PUS10: variants seen among roughly 807,000 people sequenced by gnomAD.
PUS10 encodes pseudouridine synthase 10, also known as tRNA pseudouridine synthase Pus10.
Under a neutral mutation model 75.0 loss-of-function variants are expected in PUS10, and 59 were observed. That is an observed-to-expected ratio of 0.79 (90% CI 0.64 to 0.98). PUS10 has a LOEUF of 0.98. PUS10 is among the 50% of genes least tolerant of loss of function. The probability of loss-of-function intolerance (pLI) is 0.00; values close to 1 mark genes in which losing one functional copy is unlikely to be tolerated. For synonymous variants in PUS10, 219 were observed against 211.6 expected, an observed-to-expected ratio of 1.03 and a Z score of -0.30; for missense variants, 650 against 614.4, an observed-to-expected ratio of 1.06 and a Z score of -0.61.
At chr2:60,970,487 C>G (rs1317185289) in intron 5 of PUS10, among the ~76,000 whole-genome samples, 1 of 151,816 alleles carries the variant, frequency 6.6e-6, no homozygotes, top group Non-Finnish European at 1.5e-5. Context: ...TTTCAAATGC[C>G]AAAATATTCT....
chr2:60,964,917 T>C, intron 8 of PUS10, 141 bp downstream of exon 8: 1 of 780,068 alleles, frequency 1.3e-6, no homozygotes, highest in Non-Finnish European at 2.1e-6. Flanking sequence ...AAAATTAATG[T>C]AGCAAATGGA....
chr2:60,974,836 T>C (rs1269723057), intron 4 of PUS10, among the ~76,000 whole-genome samples: 1 of 152,234 alleles, frequency 6.6e-6, no homozygotes, highest in Non-Finnish European at 1.5e-5. Context: ...GCTCCACGCC[T>C]GGCTTGCCCT....
At chr2:61,013,151 A>ATTCCCAGCTACTCCCACCT (rs1679738927) in intron 1 of PUS10, among the ~76,000 whole-genome samples, 1 of 151,466 alleles carries the variant, frequency 6.6e-6, no homozygotes, top group African/African-American at 2.4e-5. Flanking sequence ...TACTCAGAAG[A>ATTCCCAGCTACTCCCACCT]CCGAGGTGGG....
chr2:60,955,403 C>A (rs1024720494), intron 11 of PUS10, among the ~76,000 whole-genome samples: 1 of 151,974 alleles, frequency 6.6e-6, no homozygotes, highest in Non-Finnish European at 1.5e-5. Context: ...GATCATGGCC[C>A]ACTGCAGCCT....
At chr2:61,009,859 C>G (rs1392357188) in intron 2 of PUS10, 1 of 152,174 alleles carries the variant, frequency 6.6e-6, no homozygotes, top group Non-Finnish European at 1.5e-5. Context: ...AAATTTAAAT[C>G]CATTTTATTG....
intron 4 of PUS10, among the ~76,000 whole-genome samples, chr2:60,979,210 A>T (rs1359817964): frequency 6.6e-6 from 1 of 152,170 alleles, no homozygotes; most frequent in Non-Finnish European, 1.5e-5. Flanking sequence ...TGTAATAGCC[A>T]TTTGGAAACT....
chr2:60,949,251 A>G (rs1354349517), intron 15 of PUS10, among the ~76,000 whole-genome samples: 3 of 152,230 alleles, frequency 2.0e-5, no homozygotes, highest in Non-Finnish European at 4.4e-5. Flanking sequence ...AAAAAAATAC[A>G]TAAATAAAGG....
intron 4 of PUS10, among the ~76,000 whole-genome samples, chr2:60,985,763 G>A (rs1558945725): frequency 6.6e-6 from 1 of 152,050 alleles, no homozygotes; most frequent in Non-Finnish European, 1.5e-5. Flanking sequence ...GCTTCCTAAA[G>A]TTCTGGGACT....
At chr2:61,017,952 C>G (rs1573543281) in intron 1 of PUS10, 56 bp downstream of exon 1, 2 of 1,379,348 alleles carry the variant, frequency 1.4e-6, no homozygotes, top group East Asian at 2.5e-5. Flanking sequence ...CCCTTCCCCC[C>G]TTTAACCAAT....
At chr2:60,960,149 C>CAAA (rs559273848) in intron 11 of PUS10, among the ~76,000 whole-genome samples, 1,048 of 88,008 alleles carry the variant, frequency 0.012, 30 homozygotes, top group African/African-American at 0.028. Context: ...CAGGCTCTCT[C>CAAA]AAAAAAAAAA....
At chr2:61,015,427 T>C (rs1184434810) in intron 1 of PUS10, among the ~76,000 whole-genome samples, 7 of 151,534 alleles carry the variant, frequency 4.6e-5, no homozygotes, top group Non-Finnish European at 1.0e-4. Context: ...TTGAACCCAG[T>C]AGGTGGAGGT....
intron 1 of PUS10, among the ~76,000 whole-genome samples, chr2:61,016,865 T>C (rs1680018645): frequency 1.3e-5 from 2 of 152,068 alleles, no homozygotes; most frequent in South Asian, 4.1e-4. Flanking sequence ...TAACGCGGCG[T>C]GGGGCTGGGG....
At chr2:61,004,869 A>G (rs1679103127) in intron 4 of PUS10, among the ~76,000 whole-genome samples, 1 of 152,246 alleles carries the variant, frequency 6.6e-6, no homozygotes, top group African/African-American at 2.4e-5. Flanking sequence ...TTCTTCAATA[A>G]TCAGAACAGT....
rs1680115622 is a variant in PUS10, at chr2:61,017,866, C to T, written c.-16+142G>A. The T allele has an allele frequency of 1.9e-6, 3 of 1,549,592 alleles. No individual in the cohort carries two copies. Among genetic ancestry groups the T allele is most frequent in the South Asian group, 1.2e-5 (1 of 84,004 alleles). ...CCCACTTTCCAGTGAGTGTGGGATT[C>T]TTCAGGCTGTGAGTTTAGTGGGCCC... On this transcript the variant is annotated intron_variant, in intron 1 of 17. Transcript: ENST00000316752.
chr2:60,981,786 A>T (rs1311873214), intron 4 of PUS10, among the ~76,000 whole-genome samples: 1 of 152,128 alleles, frequency 6.6e-6, no homozygotes, highest in African/African-American at 2.4e-5. Context: ...TCTACATTCA[A>T]TTTGCTGTAA....
chr2:60,997,904 G>A (rs1353757792), intron 4 of PUS10, among the ~76,000 whole-genome samples: 1 of 152,180 alleles, frequency 6.6e-6, no homozygotes, highest in African/African-American at 2.4e-5. Context: ...CTTACATGGT[G>A]GGTGAGAGAG....
chr2:60,944,778 T>G (rs1189649818), intron 17 of PUS10, among the ~76,000 whole-genome samples: 1 of 152,008 alleles, frequency 6.6e-6, no homozygotes, highest in Non-Finnish European at 1.5e-5. Context: ...ATACTACATG[T>G]AAAGCACAGT....
intron 8 of PUS10, among the ~76,000 whole-genome samples, chr2:60,963,345 G>T (rs1676150549): frequency 6.6e-6 from 1 of 152,176 alleles, no homozygotes; most frequent in South Asian, 2.1e-4. Flanking sequence ...GGCTGCCAGG[G>T]TAAGGGATAA....
chr2:60,973,415 C>G (rs780653291), intron 4 of PUS10, among the ~76,000 whole-genome samples: 17 of 152,260 alleles, frequency 1.1e-4, no homozygotes, highest in South Asian at 6.2e-4. Flanking sequence ...CCTGACCTCT[C>G]CCTGCTCCCA....
Sources: allele counts gnomAD v4.1 joint callset (sites outside exome capture counted in the v4.1 genomes callset), GRCh38; gene constraint gnomAD v4.1.1; transcripts MANE v1.5; gene names NCBI Gene and HGNC (gene_info 2026-07-23, HGNC 2026-07-21).